ADGRV1: variants seen among roughly 807,000 people sequenced by gnomAD.
ADGRV1 encodes G-protein coupled receptor 98.
In ADGRV1, 359 loss-of-function variants were observed where a neutral mutation model predicts 596.2. The observed-to-expected ratio is 0.60, with a 90% CI of 0.55 to 0.66. The LOEUF (loss-of-function observed/expected upper bound fraction) is 0.66, where lower values mean the gene tolerates loss of function less well. Among genes scored for constraint, ADGRV1 ranks in the 30% least tolerant of loss-of-function variants. ADGRV1 has a pLI of 0.00. For synonymous variants in ADGRV1, 2,681 were observed against 2,679.2 expected (o/e 1.00, Z -0.02); for missense variants, 7,274 against 7,575.6 (o/e 0.96, Z 1.48).
chr5:91,107,143 A>G (rs1482113267), intron 87 of ADGRV1, among the ~76,000 whole-genome samples: 3 of 152,200 alleles, frequency 2.0e-5, no homozygotes, highest in Non-Finnish European at 2.9e-5. Context: ...TGCATTTCTA[A>G]TAAGTTTCCA....
At chr5:91,089,946 G>A (rs908817065) in intron 86 of ADGRV1, among the ~76,000 whole-genome samples, 3 of 152,192 alleles carry the variant, frequency 2.0e-5, no homozygotes, top group Non-Finnish European at 4.4e-5. Flanking sequence ...TAATAGCTGA[G>A]TAACTGGTAA....
intron 84 of ADGRV1, among the ~76,000 whole-genome samples, chr5:90,971,297 C>G (rs13353995): frequency 0.24 from 36,233 of 152,176 alleles, 4,560 homozygotes; most frequent in Non-Finnish European, 0.28. Context: ...TCCAGGAGGA[C>G]TTCCCCAACT....
chr5:90,593,164 C>T (rs946813123), intron 1 of ADGRV1, among the ~76,000 whole-genome samples: 10 of 152,094 alleles, frequency 6.6e-5, no homozygotes, highest in Admixed American at 6.6e-4. Flanking sequence ...ATGTTTATTG[C>T]GGCACTGTTC....
chr5:90,683,757 G>A lies in ADGRV1; in HGVS notation c.5836G>A (p.Ala1946Thr). The A allele has an allele frequency of 6.2e-7, 1 of 1,613,808 alleles. No individual in the cohort carries two copies. Among genetic ancestry groups the A allele is most frequent in the Admixed American group, 1.7e-5 (1 of 59,994 alleles). ...TGACGAAGACCCAGAACTGGATAAGGCATTCTCTGTGTCAGTCCTCAGTGT... is the reference window on the plus strand; with the variant it reads ...TGACGAAGACCCAGAACTGGATAAGACATTCTCTGTGTCAGTCCTCAGTGT... ...LPDEDPELDKAFSVSVLSVSS... is the reference protein window; with the variant it reads ...LPDEDPELDKTFSVSVLSVSS... The change falls in exon 28 of 90, where the codon GCA becomes ACA. Residue 1946 changes from alanine to threonine, a missense_variant. Ala to Thr is a moderately conservative substitution (Grantham distance 58, BLOSUM62 0). Transcript: ENST00000405460.
chr5:91,054,469 C>T (rs562916062), intron 85 of ADGRV1, among the ~76,000 whole-genome samples: 38 of 152,178 alleles, frequency 2.5e-4, no homozygotes, highest in African/African-American at 8.4e-4. Flanking sequence ...ATGTTAGGAG[C>T]CTGTCTTAGT....
At position 90,657,895 on chromosome 5, in the gene ADGRV1, C is replaced by T; in HGVS notation, c.4379-10C>T. On this transcript the variant is annotated splice_polypyrimidine_tract_variant and intron_variant, in intron 20 of 89. Transcript: ENST00000405460. ...GGTATTGTAGCATTTAAACTTGTCT[C>T]TAATTTCAGGTCCTGGGATACTGAG... is the stretch of plus-strand genomic sequence containing the variant. 5.0e-6 allele frequency: 8 copies of T among 1,592,814 alleles called. No individual in the cohort carries two copies. Among genetic ancestry groups the T allele is most frequent in the Non-Finnish European group, 6.9e-6 (8 of 1,167,056 alleles).
intron 85 of ADGRV1, among the ~76,000 whole-genome samples, chr5:91,002,512 A>G (rs1417468276): frequency 1.3e-5 from 2 of 151,396 alleles, no homozygotes; most frequent in Non-Finnish European, 2.9e-5. Context: ...CCCTCAGACA[A>G]CCTTTATTTG....
rs1445329288 is a variant in ADGRV1, at chr5:90,810,277, A to G, written c.15017A>G (p.Gln5006Arg). ...GAAATTGAACCAATGGGCGTCTTCC[A>G]ATTTTCCACTAGCTCAAGAAATATC... ...VAEIEPMGVF[Q>R]FSTSSRNIIV... is the part of the protein sequence containing the mutation. The change falls in exon 74 of 90, where the codon CAA becomes CGA. Residue 5006 changes from glutamine (Q) to arginine (R), a missense_variant. By Grantham distance (43) the Gln-to-Arg change is conservative. This residue lies in a region of ADGRV1 where 1,874 missense variants were observed against 1,970.2 expected (regional missense o/e 0.95). Transcript: ENST00000405460. 1 of 1,594,836 alleles carries G rather than the reference A, an allele frequency of 6.3e-7. No homozygotes were observed. Among genetic ancestry groups the G allele is most frequent in the Non-Finnish European group, 8.5e-7 (1 of 1,169,864 alleles).
intron 86 of ADGRV1, among the ~76,000 whole-genome samples, chr5:91,078,887 G>A (rs2126486038): frequency 1.3e-5 from 2 of 152,330 alleles, no homozygotes; most frequent in South Asian, 4.1e-4. Context: ...ATTTGAAGCA[G>A]TCAGTAGCTG....
At chr5:90,596,441 C>T (rs1760617411) in intron 1 of ADGRV1, among the ~76,000 whole-genome samples, 1 of 152,036 alleles carries the variant, frequency 6.6e-6, no homozygotes, top group Non-Finnish European at 1.5e-5. Context: ...AGGCAGGCGG[C>T]TGGGAGGTGG....
At chr5:91,120,889 T>C (rs558108204) in intron 87 of ADGRV1, among the ~76,000 whole-genome samples, 1 of 152,070 alleles carries the variant, frequency 6.6e-6, no homozygotes, top group Admixed American at 6.5e-5. Flanking sequence ...AAGTATAGAA[T>C]GGGGCCAGGC....
intron 29 of ADGRV1, among the ~76,000 whole-genome samples, chr5:90,686,676 C>T (rs1264118426): frequency 6.6e-6 from 1 of 152,082 alleles, no homozygotes; most frequent in African/African-American, 2.4e-5. Context: ...AATAAACATA[C>T]GTGTGCATGT....
intron 32 of ADGRV1, among the ~76,000 whole-genome samples, chr5:90,693,218 T>G (rs1746717655): frequency 1.7e-5 from 1 of 58,020 alleles, no homozygotes; most frequent in Admixed American, 2.1e-4. Flanking sequence ...TGGGAACTTG[T>G]GACAAGTCCC....
chr5:91,111,719 A>C (rs1372399760), intron 87 of ADGRV1, among the ~76,000 whole-genome samples: 2 of 152,190 alleles, frequency 1.3e-5, no homozygotes, highest in East Asian at 3.9e-4. Flanking sequence ...AGAGCGGAAA[A>C]GCAGTCTTCC....
At chr5:90,752,005 A>T (rs1481831250) in intron 53 of ADGRV1, among the ~76,000 whole-genome samples, 1 of 152,198 alleles carries the variant, frequency 6.6e-6, no homozygotes, top group Non-Finnish European at 1.5e-5. Context: ...AGTTTGGAAG[A>T]ATTAATTATT....
chr5:90,729,801 A>G, intron 50 of ADGRV1, 37 bp downstream of exon 50: 6 of 1,597,934 alleles, frequency 3.8e-6, no homozygotes, highest in Non-Finnish European at 5.1e-6. Context: ...TTCTAAAGGT[A>G]GTATGGAAAG....
intron 83 of ADGRV1, among the ~76,000 whole-genome samples, chr5:90,941,973 C>G (rs1776200803): frequency 6.6e-6 from 1 of 152,114 alleles, no homozygotes; most frequent in African/African-American, 2.4e-5. Flanking sequence ...TGCAAGAAAA[C>G]CATGTTCTTT....
At chr5:90,599,486 C>T (rs149321) in intron 1 of ADGRV1, among the ~76,000 whole-genome samples, 82,224 of 151,986 alleles carry the variant, frequency 0.54, 22,605 homozygotes, top group East Asian at 0.59. Flanking sequence ...CTAGAGGGTA[C>T]TTAACAATCT....
At chr5:90,565,582 T>C (rs558547687) in intron 1 of ADGRV1, among the ~76,000 whole-genome samples, 1 of 152,364 alleles carries the variant, frequency 6.6e-6, no homozygotes, top group South Asian at 2.1e-4. Flanking sequence ...TATGCATTTA[T>C]AAATAGATGG....
Sources: allele counts gnomAD v4.1 joint callset (sites outside exome capture counted in the v4.1 genomes callset), GRCh38; gene constraint gnomAD v4.1.1; regional missense constraint gnomAD v4.1.1; transcripts MANE v1.5; gene names NCBI Gene and HGNC (gene_info 2026-07-23, HGNC 2026-07-21).